SNX18: variants seen among roughly 807,000 people sequenced by gnomAD.
SNX18 encodes the protein sorting nexin 18, also known as sorting nexin-18.
In SNX18, 35 loss-of-function variants were observed where a neutral mutation model predicts 48.7. That is an observed-to-expected ratio of 0.72 (90% CI 0.55 to 0.95). SNX18 has a LOEUF of 0.95. SNX18 is among the 40% of genes least tolerant of loss of function. SNX18 has a pLI of 0.00. For missense variants in SNX18, 824 were observed against 871.0 expected, an observed-to-expected ratio of 0.95 and a Z score of 0.68; for synonymous variants, 492 against 384.7, an observed-to-expected ratio of 1.28 and a Z score of -3.26.
At chr5:54,624,198 C>T in the SNX18 span, among the ~76,000 whole-genome samples, 1 of 152,088 alleles carries the variant, frequency 6.6e-6, no homozygotes, top group African/African-American at 2.4e-5. Flanking sequence ...AATCATATAC[C>T]ACACTATGCA....
chr5:54,584,046 CTTT>C, the SNX18 span, among the ~76,000 whole-genome samples: 17 of 110,660 alleles, frequency 1.5e-4, no homozygotes, highest in East Asian at 1.1e-3. Flanking sequence ...GTGTGTAGCT[CTTT>C]TTTTTTTTTT....
chr5:54,519,529 A>G lies in SNX18; in HGVS notation c.1577A>G (p.Gln526Arg). ...DPVMDLLALYQGHLANFPDII... is the reference protein window; with the variant it reads ...DPVMDLLALYRGHLANFPDII... Reference sequence around the variant, plus strand: ...GTCATGGACCTATTAGCGCTGTATCAGGGGCATCTGGCTAACTTCCCGGAC... The same window carrying G: ...GTCATGGACCTATTAGCGCTGTATCGGGGGCATCTGGCTAACTTCCCGGAC... Residue 526 changes from glutamine to arginine, a missense_variant, in exon 1 of 2, where the codon CAG (glutamine) becomes CGG (arginine). This residue lies in a region of SNX18 where 443 missense variants were observed against 503.6 expected (regional missense o/e 0.88). Transcript: ENST00000381410. The G allele has an allele frequency of 6.2e-7, 1 of 1,614,214 alleles. No individual in the cohort carries two copies. The highest frequency in any genetic ancestry group is 8.5e-7 in the Non-Finnish European group (1 of 1,180,028).
chr5:54,571,727 T>C, the SNX18 span, among the ~76,000 whole-genome samples: 1 of 152,218 alleles, frequency 6.6e-6, no homozygotes, highest in African/African-American at 2.4e-5. Flanking sequence ...CTCCCTGAGC[T>C]GGGTTCTGTG....
At chr5:54,613,228 G>A in the SNX18 span, among the ~76,000 whole-genome samples, 167 of 152,280 alleles carry the variant, frequency 1.1e-3, 1 homozygote, top group Admixed American at 4.4e-3. Flanking sequence ...TTCGTTTTAT[G>A]CTTCTATAAC....
the SNX18 span, among the ~76,000 whole-genome samples, chr5:54,605,166 T>C: frequency 1.1e-4 from 16 of 151,952 alleles, no homozygotes; most frequent in African/African-American, 1.9e-4. Flanking sequence ...TCTACCTTAA[T>C]AGGAACTCTC....
chr5:54,553,957 G>C, the SNX18 span, among the ~76,000 whole-genome samples: 3 of 152,202 alleles, frequency 2.0e-5, no homozygotes, highest in South Asian at 4.1e-4. Flanking sequence ...TTAGCACACT[G>C]TTCACAATTC....
At chr5:54,525,617 A>T (rs1762116506) in intron 1 of SNX18, among the ~76,000 whole-genome samples, 1 of 152,170 alleles carries the variant, frequency 6.6e-6, no homozygotes, top group African/African-American at 2.4e-5. Flanking sequence ...TGTTGTTCAC[A>T]TTGAAGAGTG....
At chr5:54,565,962 G>A in the SNX18 span, among the ~76,000 whole-genome samples, 3 of 152,186 alleles carry the variant, frequency 2.0e-5, no homozygotes, top group African/African-American at 7.2e-5. Flanking sequence ...AAGGGTGCCT[G>A]TTGCCTGAGA....
the SNX18 span, among the ~76,000 whole-genome samples, chr5:54,610,606 C>G: frequency 6.6e-6 from 1 of 152,150 alleles, no homozygotes; most frequent in African/African-American, 2.4e-5. Flanking sequence ...GGCAAATAAC[C>G]AAAGAGATTA....
the SNX18 span, among the ~76,000 whole-genome samples, chr5:54,619,176 T>C: frequency 1.3e-5 from 2 of 152,090 alleles, no homozygotes; most frequent in African/African-American, 4.8e-5. Context: ...ATAAAAGTTA[T>C]TGTTTAAGTT....
intron 1 of SNX18, among the ~76,000 whole-genome samples, chr5:54,523,935 A>T (rs1762080272): frequency 6.6e-6 from 1 of 152,252 alleles, no homozygotes. Context: ...GGTGCCAGGA[A>T]TACAGAGAAA....
In SNX18 at chr5:54,517,993, A is replaced by G. The variant is rs1237671087; in HGVS notation, c.41A>G (p.Glu14Gly). The G allele has an allele frequency of 6.5e-7, 1 of 1,541,074 alleles. No homozygotes were observed. Among genetic ancestry groups the G allele is most frequent in the Admixed American group, 2.0e-5 (1 of 51,110 alleles). The change falls in exon 1 of 2, where the codon GAG (glutamate) becomes GGG (glycine). Residue 14 changes from glutamate (E) to glycine (G), a missense_variant. Transcript: ENST00000381410. ...RARALYDFRS[E>G]NPGEISLREH... Reference sequence around the variant, plus strand: ...CGGGCGCTGTACGACTTCAGGTCGGAGAACCCAGGAGAGATCTCGCTGCGA... The same window carrying G: ...CGGGCGCTGTACGACTTCAGGTCGGGGAACCCAGGAGAGATCTCGCTGCGA...
chr5:54,603,313 A>G, the SNX18 span, among the ~76,000 whole-genome samples: 1 of 151,832 alleles, frequency 6.6e-6, no homozygotes, highest in Non-Finnish European at 1.5e-5. Context: ...CAACCATAGT[A>G]CACTGGAGGC....
intron 1 of SNX18, among the ~76,000 whole-genome samples, chr5:54,528,869 C>T (rs1313882652): frequency 6.6e-6 from 1 of 152,188 alleles, no homozygotes; most frequent in Non-Finnish European, 1.5e-5. Context: ...TTGGCTGCCT[C>T]TCAGAACCAG....
chr5:54,627,885 A>C, the SNX18 span, among the ~76,000 whole-genome samples: 2 of 152,206 alleles, frequency 1.3e-5, no homozygotes, highest in Non-Finnish European at 2.9e-5. Context: ...CCCATTGGCT[A>C]TTTGGCAAAG....
At chr5:54,614,766 C>T in the SNX18 span, among the ~76,000 whole-genome samples, 1 of 152,060 alleles carries the variant, frequency 6.6e-6, no homozygotes, top group Non-Finnish European at 1.5e-5. Context: ...TGCAGTGAGC[C>T]AAGATCACAT....
downstream of SNX18, among the ~76,000 whole-genome samples, chr5:54,551,092 GAAAAA>G (rs936607851): frequency 6.8e-6 from 1 of 147,016 alleles, no homozygotes. Context: ...AAAAAAAAAA[GAAAAA>G]AAAAGATGTC....
At chr5:54,611,941 A>G in the SNX18 span, among the ~76,000 whole-genome samples, 1 of 151,672 alleles carries the variant, frequency 6.6e-6, no homozygotes, top group Non-Finnish European at 1.5e-5. Flanking sequence ...GCAGTAGCAC[A>G]ATCATAACTC....
downstream of SNX18, among the ~76,000 whole-genome samples, chr5:54,548,750 A>C (rs1462658859): frequency 1.3e-5 from 2 of 152,204 alleles, no homozygotes; most frequent in Non-Finnish European, 2.9e-5. Context: ...ACATCATGTG[A>C]CCATGGGCTA....
Sources: allele counts gnomAD v4.1 joint callset (sites outside exome capture counted in the v4.1 genomes callset), GRCh38; gene constraint gnomAD v4.1.1; regional missense constraint gnomAD v4.1.1; transcripts MANE v1.5; gene names NCBI Gene and HGNC (gene_info 2026-07-23, HGNC 2026-07-21).